PRELID3A: variants seen among roughly 807,000 people sequenced by gnomAD.
PRELID3A encodes PRELI domain containing protein 3A.
In PRELID3A, 27 loss-of-function variants were observed where a neutral mutation model predicts 23.0. That is an observed-to-expected ratio of 1.17 (90% CI 0.87 to 1.62). PRELID3A has a LOEUF of 1.62. Among genes scored for constraint, PRELID3A ranks in the 40% most tolerant of loss-of-function variants. PRELID3A has a pLI of 0.00. For missense variants in PRELID3A, 231 were observed against 231.4 expected (o/e 1.00, Z 0.01); for synonymous variants, 87 against 86.4 (o/e 1.01, Z -0.04).
intron 3 of PRELID3A, among the ~76,000 whole-genome samples, chr18:12,425,662 G>T (rs562242312): frequency 1.3e-5 from 2 of 150,180 alleles, no homozygotes; most frequent in Non-Finnish European, 3.0e-5. Flanking sequence ...AATATAGGCC[G>T]GGCCCAGTGG....
intron 3 of PRELID3A, among the ~76,000 whole-genome samples, chr18:12,423,410 G>C (rs1379288450): frequency 6.6e-6 from 1 of 152,190 alleles, no homozygotes; most frequent in Non-Finnish European, 1.5e-5. Flanking sequence ...CCAGTAGTCC[G>C]GGCAGGTAAT....
rs1224855533 is a variant in PRELID3A, at chr18:12,407,965, C to A, written c.-11C>A. On this transcript the variant is annotated 5_prime_UTR_variant, in exon 1 of 7. Coordinates refer to ENST00000440960, the MANE Select transcript of PRELID3A (RefSeq NM_001142405.2). ...CCCGGATCGCAGAGCCCGCGCCCTG[C>A]GCCGGCGGCAATGAAGATCTGGAGC... The A allele has an allele frequency of 1.5e-6, 2 of 1,295,276 alleles. No individual in the cohort carries two copies. The highest frequency in any genetic ancestry group is 2.5e-5 in the South Asian group (1 of 40,214). 80.2% of individuals were successfully genotyped at this position (1,295,276 alleles called of 1,614,324 possible).
At chr18:12,411,980 G>A (rs1909931325) in intron 1 of PRELID3A, among the ~76,000 whole-genome samples, 1 of 147,102 alleles carries the variant, frequency 6.8e-6, no homozygotes, top group African/African-American at 2.5e-5. Context: ...GCGCAGTCTC[G>A]GCTCACTGCA....
At chr18:12,430,259 C>T (rs1315502116) in intron 6 of PRELID3A, among the ~76,000 whole-genome samples, 2 of 152,120 alleles carry the variant, frequency 1.3e-5, no homozygotes, top group Non-Finnish European at 2.9e-5. Flanking sequence ...GCCTGGCATC[C>T]TGTATCTGTG....
intron 5 of PRELID3A, among the ~76,000 whole-genome samples, chr18:12,429,108 T>C (rs2030473277): frequency 6.6e-6 from 1 of 152,122 alleles, no homozygotes; most frequent in East Asian, 1.9e-4. Flanking sequence ...GGACTTGCTG[T>C]ATTGAGCTAA....
chr18:12,418,988 ACAT>A (rs1247128903), intron 1 of PRELID3A, among the ~76,000 whole-genome samples: 2 of 152,162 alleles, frequency 1.3e-5, no homozygotes, highest in Non-Finnish European at 2.9e-5. Context: ...CATGAGTTCG[ACAT>A]CAACCTGGCA....
Position 12,420,464 on chromosome 18 carries a change from G to A in PRELID3A, c.172G>A (p.Glu58Lys), listed in dbSNP as rs1298857342. 1.3e-6 allele frequency: 2 copies of A among 1,561,128 alleles called. No individual in the cohort carries two copies. Among genetic ancestry groups the A allele is most frequent in the Admixed American group, 1.9e-5 (1 of 52,440 alleles). ...GCACAGCTTGCGCCTGCTCAGCACCGAGTGGGGGCTGCCCAGCCTCGTGAG... is the reference window on the plus strand; with the variant it reads ...GCACAGCTTGCGCCTGCTCAGCACCAAGTGGGGGCTGCCCAGCCTCGTGAG... ...RLHSLRLLST[E>K]WGLPSLVRAI... The change falls in exon 2 of 7, where the codon GAG becomes AAG. Residue 58 changes from glutamate to lysine, a missense_variant. Coordinates refer to ENST00000440960, the MANE Select transcript of PRELID3A (RefSeq NM_001142405.2).
chr18:12,427,045 C>A lies in PRELID3A; in HGVS notation c.296C>A (p.Thr99Lys). The A allele has an allele frequency of 6.2e-7, 1 of 1,610,062 alleles. No homozygotes were observed. Among genetic ancestry groups the A allele is most frequent in the Non-Finnish European group, 8.5e-7 (1 of 1,176,322 alleles). ...KKMELCSTNITLTNLVSVNER... is the reference protein window; with the variant it reads ...KKMELCSTNIKLTNLVSVNER... ...AACCTTTTTTTTCTTTTTAAGATCA[C>A]ACTCACAAATTTGGTGTCAGTTAAT... is the stretch of plus-strand genomic sequence containing the variant. The change falls in exon 4 of 7, where the codon ACA becomes AAA. Residue 99 changes from threonine to lysine, a missense_variant. Transcript: ENST00000440960.
rs556917211 is a variant in PRELID3A at position 12,418,676 on chromosome 18, C to A, written c.33-1649C>A. On this transcript the variant is annotated intron_variant, in intron 1 of 6. Transcript: ENST00000440960. ...GGCTCAGAGGCTTCCTGGGAGAGAG[C>A]ACACCTTGAAGGAAGGGTGGATTAG... is the stretch of plus-strand genomic sequence containing the variant. 2.6e-5 allele frequency among the ~76,000 whole-genome samples: 4 copies of A among 152,328 alleles called. No individual in the cohort carries two copies. The East Asian group carries it at 7.7e-4, about 29-fold the overall frequency.
chr18:12,427,698 A>T (rs11662361), intron 5 of PRELID3A, among the ~76,000 whole-genome samples: 12,047 of 151,674 alleles, frequency 0.079, 676 homozygotes, highest in East Asian at 0.32. Context: ...TCTTAAAAAA[A>T]AAAATAAAAA....
At chr18:12,413,591 A>C (rs139121554) in intron 1 of PRELID3A, among the ~76,000 whole-genome samples, 24 of 151,594 alleles carry the variant, frequency 1.6e-4, no homozygotes, top group African/African-American at 5.8e-4. Flanking sequence ...TTATTTATTT[A>C]TTTTTTTTCC....
chr18:12,408,049 C>G, intron 1 of PRELID3A, 42 bp downstream of exon 1: 2 of 1,243,242 alleles, frequency 1.6e-6, no homozygotes, highest in Middle Eastern at 3.1e-4. Flanking sequence ...GTCCAGACGC[C>G]GGCTCCTGCT....
In PRELID3A at chr18:12,420,369, C is replaced by A; in HGVS notation, c.77C>A (p.Pro26Gln). Reference sequence around the variant, plus strand: ...ATCCAGGCGGCCATGCGCAAGTACCCGAACCCGATGAACCCGAGCGTGCTG... The same window carrying A: ...ATCCAGGCGGCCATGCGCAAGTACCAGAACCCGATGAACCCGAGCGTGCTG... ...TVIQAAMRKY[P>Q]NPMNPSVLGV... The change falls in exon 2 of 7, where the codon CCG becomes CAG. Residue 26 changes from proline to glutamine, a missense_variant. Pro to Gln is a moderately conservative substitution (Grantham distance 76). Transcript: ENST00000440960. 6.2e-7 allele frequency: 1 copy of A among 1,611,550 alleles called. No homozygotes were observed. Among genetic ancestry groups the A allele is most frequent in the South Asian group, 1.1e-5 (1 of 90,720 alleles).
chr18:12,409,134 A>G (rs1179049610), intron 1 of PRELID3A, among the ~76,000 whole-genome samples: 1 of 136,054 alleles, frequency 7.4e-6, no homozygotes, highest in African/African-American at 2.7e-5. Context: ...TTCGAGACAG[A>G]GTCTCATTCT....
chr18:12,411,475 A>AAAC (rs1467160064), intron 1 of PRELID3A, among the ~76,000 whole-genome samples: 2 of 151,662 alleles, frequency 1.3e-5, no homozygotes, highest in Non-Finnish European at 2.9e-5. Context: ...CAAAAAAAAA[A>AAAC]AAAAAAAAAA....
chr18:12,419,431 C>T (rs1322993344), intron 1 of PRELID3A, among the ~76,000 whole-genome samples: 1 of 147,930 alleles, frequency 6.8e-6, no homozygotes, highest in Non-Finnish European at 1.5e-5. Flanking sequence ...GAGTTCCAGA[C>T]CAGCCTGGCC....
At chr18:12,430,035 C>A (rs2143407357) in intron 6 of PRELID3A, among the ~76,000 whole-genome samples, 1 of 152,384 alleles carries the variant, frequency 6.6e-6, no homozygotes, top group Admixed American at 6.5e-5. Context: ...GAGGACGCGC[C>A]TCCCACCAGA....
At chr18:12,409,639 T>C (rs1319762800) in intron 1 of PRELID3A, among the ~76,000 whole-genome samples, 1 of 152,166 alleles carries the variant, frequency 6.6e-6, no homozygotes, top group African/African-American at 2.4e-5. Flanking sequence ...CTGAGCCGTC[T>C]GGATGCTGTG....
chr18:12,421,708 C>T, intron 3 of PRELID3A, 79 bp downstream of exon 3: 1 of 920,448 alleles, frequency 1.1e-6, no homozygotes, highest in Non-Finnish European at 1.8e-6. Flanking sequence ...AATTCTATTT[C>T]CAGCCCACCT....
Sources: allele counts gnomAD v4.1 joint callset (sites outside exome capture counted in the v4.1 genomes callset), GRCh38; gene constraint gnomAD v4.1.1; transcripts MANE v1.5; gene names NCBI Gene and HGNC (gene_info 2026-07-23, HGNC 2026-07-21).